Variants in GRID2 observed in about 807,000 individuals in gnomAD.
The protein encoded by GRID2 is glutamate receptor ionotropic, delta-2.
GRID2 carries 33 observed loss-of-function variants against 114.8 expected under a neutral mutation model. That is an observed-to-expected ratio of 0.29 (90% CI 0.22 to 0.38). The LOEUF is 0.38. Among genes scored for constraint, GRID2 ranks in the 10% least tolerant of loss-of-function variants. The probability of loss-of-function intolerance (pLI) is 1.00; values close to 1 mark genes in which losing one functional copy is unlikely to be tolerated. For missense variants in GRID2, 1,184 were observed against 1,257.7 expected (o/e 0.94, Z 0.89); for synonymous variants, 505 against 449.9 (o/e 1.12, Z -1.55).
intron 1 of GRID2, among the ~76,000 whole-genome samples, chr4:92,316,883 A>G (rs2110118788): frequency 6.6e-6 from 1 of 152,286 alleles, no homozygotes; most frequent in African/African-American, 2.4e-5. Context: ...ACCATATTGT[A>G]GCTATAGGCT....
At chr4:93,241,740 T>C (rs922652259) in intron 8 of GRID2, among the ~76,000 whole-genome samples, 21 of 151,402 alleles carry the variant, frequency 1.4e-4, no homozygotes, top group Admixed American at 7.9e-4. Context: ...TTAATTTTCA[T>C]TAATAACTGA....
intron 8 of GRID2, among the ~76,000 whole-genome samples, chr4:93,346,727 A>G (rs906360902): frequency 1.3e-5 from 2 of 152,210 alleles, no homozygotes; most frequent in African/African-American, 4.8e-5. Flanking sequence ...AAATTCGGAA[A>G]TAACTGAACT....
At chr4:93,545,141 G>A (rs1733083470) in intron 13 of GRID2, among the ~76,000 whole-genome samples, 2 of 152,200 alleles carry the variant, frequency 1.3e-5, no homozygotes, top group South Asian at 2.1e-4. Flanking sequence ...GAATAAGACA[G>A]TCAAGGTCTC....
chr4:92,654,815 A>G (rs927513567), intron 2 of GRID2, among the ~76,000 whole-genome samples: 1 of 151,936 alleles, frequency 6.6e-6, no homozygotes, highest in Non-Finnish European at 1.5e-5. Flanking sequence ...TTGTCAGATG[A>G]ATAATTTCCA....
intron 8 of GRID2, among the ~76,000 whole-genome samples, chr4:93,332,295 T>A (rs373657613): frequency 0.087 from 11,134 of 127,246 alleles, 672 homozygotes; most frequent in African/African-American, 0.19. Flanking sequence ...TGTGTGTGTG[T>A]GTGTGAGAGA....
At chr4:92,544,399 T>G (rs1293218026) in intron 1 of GRID2, among the ~76,000 whole-genome samples, 1 of 152,146 alleles carries the variant, frequency 6.6e-6, no homozygotes, top group Non-Finnish European at 1.5e-5. Flanking sequence ...GTCATTCAAT[T>G]TGATTCTGTT....
At chr4:93,303,886 T>A (rs1755137489) in intron 8 of GRID2, among the ~76,000 whole-genome samples, 3 of 152,152 alleles carry the variant, frequency 2.0e-5, no homozygotes, top group Non-Finnish European at 4.4e-5. Flanking sequence ...TATTACCATT[T>A]CATAAAACAA....
At position 93,757,735 on chromosome 4, in the gene GRID2, C is replaced by A. The variant is rs1047455030; in HGVS notation, c.2361-11475C>A. Among the ~76,000 whole-genome samples the A allele has an allele frequency of 5.9e-5, 9 of 152,266 alleles. No homozygotes were observed. The South Asian group carries it at 6.2e-4, about 11-fold the overall frequency. On this transcript the variant is annotated intron_variant, in intron 14 of 15. Transcript: ENST00000282020. ...CTTTGGGAGGCAGAGGCGGGTGAATCATCTGAGGTCAGGAGTTCAAGACAA... is the reference window on the plus strand; with the variant it reads ...CTTTGGGAGGCAGAGGCGGGTGAATAATCTGAGGTCAGGAGTTCAAGACAA...
chr4:92,694,221 C>G (rs1560536694), intron 2 of GRID2, among the ~76,000 whole-genome samples: 1 of 152,116 alleles, frequency 6.6e-6, no homozygotes, highest in Non-Finnish European at 1.5e-5. Flanking sequence ...AATCCTTGTG[C>G]TTGTGAAAAT....
intron 2 of GRID2, among the ~76,000 whole-genome samples, chr4:93,070,012 G>A (rs1008702907): frequency 1.3e-5 from 2 of 152,132 alleles, no homozygotes; most frequent in South Asian, 4.2e-4. Context: ...AGATTTTTCT[G>A]TTAGCCTAGT....
chr4:92,314,279 A>C (rs2110114232), intron 1 of GRID2, among the ~76,000 whole-genome samples: 1 of 152,242 alleles, frequency 6.6e-6, no homozygotes, highest in East Asian at 1.9e-4. Flanking sequence ...GTATTGCTAT[A>C]ACATTACAAA....
At chr4:93,543,710 T>G (rs375211671) in intron 13 of GRID2, among the ~76,000 whole-genome samples, 301 of 133,456 alleles carry the variant, frequency 2.3e-3, no homozygotes, top group East Asian at 5.9e-3. Context: ...GAGTGAGAGA[T>G]AGAGAGAGAG....
chr4:92,797,083 G>A (rs532654360), intron 2 of GRID2, among the ~76,000 whole-genome samples: 8 of 151,982 alleles, frequency 5.3e-5, no homozygotes, highest in East Asian at 3.9e-4. Flanking sequence ...CCAGGCCTCC[G>A]TTTATAGTGG....
At chr4:93,471,261 T>C (rs1236428927) in intron 11 of GRID2, among the ~76,000 whole-genome samples, 1 of 152,194 alleles carries the variant, frequency 6.6e-6, no homozygotes, top group Non-Finnish European at 1.5e-5. Flanking sequence ...TGAAAGTAAC[T>C]GAGGCTGTGC....
At chr4:93,463,872 C>T (rs1458488664) in intron 11 of GRID2, among the ~76,000 whole-genome samples, 1 of 151,994 alleles carries the variant, frequency 6.6e-6, no homozygotes, top group Non-Finnish European at 1.5e-5. Flanking sequence ...ACCTGTAGTC[C>T]CAGCTACTCG....
chr4:93,049,465 T>A (rs1317545556), intron 2 of GRID2, among the ~76,000 whole-genome samples: 6 of 152,022 alleles, frequency 3.9e-5, no homozygotes, highest in Non-Finnish European at 1.5e-5. Context: ...TTTCATTGAT[T>A]TGAACTTCAT....
At chr4:93,074,613 A>G (rs1729096249) in intron 2 of GRID2, among the ~76,000 whole-genome samples, 1 of 152,200 alleles carries the variant, frequency 6.6e-6, no homozygotes, top group African/African-American at 2.4e-5. Flanking sequence ...CTAAACTGAA[A>G]TTAAGCAAAA....
chr4:92,732,865 G>A (rs1736394606), intron 2 of GRID2, among the ~76,000 whole-genome samples: 1 of 151,952 alleles, frequency 6.6e-6, no homozygotes, highest in African/African-American at 2.4e-5. Flanking sequence ...GTGTGCTTTT[G>A]CATTTGTCGT....
intron 14 of GRID2, among the ~76,000 whole-genome samples, chr4:93,650,030 T>G (rs1383077608): frequency 1.3e-5 from 2 of 152,120 alleles, no homozygotes; most frequent in African/African-American, 4.8e-5. Flanking sequence ...CCATCTGCAT[T>G]CCAAGGCACT....
Sources: gnomAD v4.1 joint callset for allele counts (sites outside exome capture counted in the v4.1 genomes callset) on GRCh38, gnomAD v4.1.1 for gene constraint, MANE v1.5 for transcripts, NCBI Gene and HGNC (gene_info 2026-07-23, HGNC 2026-07-21) for gene names.